The following MKX variants were observed in gnomAD, a reference collection of about 807,000 sequenced individuals.
MKX encodes the protein mohawk homeobox, also known as homeobox protein Mohawk.
Under a neutral mutation model 36.0 loss-of-function variants are expected in MKX, and 13 were observed. That is an observed-to-expected ratio of 0.36 (90% CI 0.24 to 0.57). The LOEUF is 0.57. Ranked by LOEUF, MKX falls within the 20% of genes least tolerant of loss-of-function variation. The probability of loss-of-function intolerance (pLI) is 0.79; values close to 1 mark genes in which losing one functional copy is unlikely to be tolerated. For synonymous variants in MKX, 176 were observed against 178.3 expected (o/e 0.99, Z 0.10); for missense variants, 458 against 456.4 (o/e 1.00, Z -0.03).
intron 5 of MKX, among the ~76,000 whole-genome samples, chr10:27,705,392 T>C (rs888471439): frequency 3.3e-5 from 5 of 152,228 alleles, no homozygotes; most frequent in African/African-American, 9.6e-5. Context: ...TCTTACTCTG[T>C]CACCCAAGCT....
chr10:27,687,009 CTT>C (rs773711831), intron 5 of MKX, among the ~76,000 whole-genome samples: 1 of 62,754 alleles, frequency 1.6e-5, no homozygotes, highest in Admixed American at 1.5e-4. Context: ...ACACCTCTCT[CTT>C]TTTTTTTTTT....
intron 5 of MKX, among the ~76,000 whole-genome samples, chr10:27,706,122 A>C (rs541514948): frequency 5.3e-5 from 8 of 152,280 alleles, no homozygotes; most frequent in African/African-American, 1.7e-4. Context: ...CAAGTGGAAC[A>C]ATACCATATT....
intron 5 of MKX, among the ~76,000 whole-genome samples, chr10:27,691,539 A>AT (rs34812478): frequency 4.0e-5 from 6 of 151,816 alleles, no homozygotes; most frequent in Non-Finnish European, 5.9e-5. Context: ...ATGAACCAAG[A>AT]TTTTTTTTTG....
chr10:27,734,131 A>T (rs892486353), intron 5 of MKX, among the ~76,000 whole-genome samples: 2 of 151,972 alleles, frequency 1.3e-5, no homozygotes, highest in African/African-American at 2.4e-5. Flanking sequence ...TAAAATTATT[A>T]TAAAGAATGA....
intron 5 of MKX, among the ~76,000 whole-genome samples, chr10:27,701,197 G>A (rs921695451): frequency 3.3e-5 from 5 of 152,020 alleles, no homozygotes; most frequent in Non-Finnish European, 5.9e-5. Context: ...GTTAACGTAA[G>A]TGATGACACT....
rs146526888 is a variant in MKX, at chr10:27,718,389, AATTAC to A, written c.838+16062_838+16066del. Among the ~76,000 whole-genome samples the A allele has an allele frequency of 8.0e-3, 1,216 of 152,328 alleles. 21 individuals are homozygous for A. The highest frequency in any genetic ancestry group is 0.028 in the African/African-American group (1,161 of 41,568). ...TTTATTTTGATGTATAATTTTAGTC[AATTAC>A]ATTTGTAGCGCTAGCGAAAATTATT... On this transcript the variant is annotated intron_variant, in intron 5 of 6. Transcript: ENST00000419761.
chr10:27,711,719 G>A lies in MKX; in HGVS notation c.838+22737C>T, dbSNP rs554942401. Among the ~76,000 whole-genome samples the A allele has an allele frequency of 3.4e-5, 5 of 148,642 alleles. No homozygotes were observed. The South Asian group carries it at 6.4e-4, about 19-fold the overall frequency. ...CTCCCCAGTAGCCGAAACTACAGGC[G>A]CCCACCGCCGTGCTCAGCTAATTTT... On this transcript the variant is annotated intron_variant, in intron 5 of 6. Coordinates refer to ENST00000419761, the MANE Select transcript of MKX (RefSeq NM_173576.3).
At chr10:27,701,117 C>T (rs1247202830) in intron 5 of MKX, among the ~76,000 whole-genome samples, 1 of 152,100 alleles carries the variant, frequency 6.6e-6, no homozygotes, top group Non-Finnish European at 1.5e-5. Flanking sequence ...AATGGATTCA[C>T]TTAATTGTTT....
At position 27,683,082 on chromosome 10, in the gene MKX, C is replaced by T. The variant is rs550066294; in HGVS notation, c.839-7528G>A. On this transcript the variant is annotated intron_variant, in intron 5 of 6. Transcript: ENST00000419761. ...CGCTCCTGGGAGAATCTAATGCCAC[C>T]GCTGATCTGACAGGAGGTGGAGCTC... 5.3e-5 allele frequency among the ~76,000 whole-genome samples: 8 copies of T among 152,276 alleles called. No individual in the cohort carries two copies. The South Asian group carries it at 6.2e-4, about 12-fold the overall frequency.
At chr10:27,721,911 G>A (rs978587933) in intron 5 of MKX, among the ~76,000 whole-genome samples, 2 of 152,078 alleles carry the variant, frequency 1.3e-5, no homozygotes, top group Non-Finnish European at 2.9e-5. Flanking sequence ...AAATCAATAA[G>A]GAAAGGTAGA....
chr10:27,733,441 C>G (rs2132638708), intron 5 of MKX, among the ~76,000 whole-genome samples: 1 of 152,248 alleles, frequency 6.6e-6, no homozygotes, highest in Non-Finnish European at 1.5e-5. Context: ...CATAACTACT[C>G]TATACATGAT....
chr10:27,739,159 A>G (rs1274273406), intron 3 of MKX, among the ~76,000 whole-genome samples: 1 of 151,970 alleles, frequency 6.6e-6, no homozygotes, highest in Non-Finnish European at 1.5e-5. Context: ...AATAATACAA[A>G]CCCCAATCAC....
chr10:27,690,085 C>T (rs750048008), intron 5 of MKX, among the ~76,000 whole-genome samples: 3 of 152,126 alleles, frequency 2.0e-5, no homozygotes, highest in Non-Finnish European at 4.4e-5. Context: ...TTAAACCTAA[C>T]AAGTCAGCCG....
chr10:27,704,698 G>A (rs1177199583), intron 5 of MKX, among the ~76,000 whole-genome samples: 1 of 152,082 alleles, frequency 6.6e-6, no homozygotes, highest in Non-Finnish European at 1.5e-5. Context: ...TACCTCAAAC[G>A]AAGATATTCC....
chr10:27,726,885 A>C (rs1377936982), intron 5 of MKX, among the ~76,000 whole-genome samples: 1 of 152,176 alleles, frequency 6.6e-6, no homozygotes, highest in Non-Finnish European at 1.5e-5. Context: ...AATCATCAAA[A>C]CACGAATTCA....
chr10:27,713,194 A>G (rs1180686531), intron 5 of MKX, among the ~76,000 whole-genome samples: 1 of 152,196 alleles, frequency 6.6e-6, no homozygotes, highest in Non-Finnish European at 1.5e-5. Flanking sequence ...GGGCATCTCT[A>G]GAAATCTTCA....
At chr10:27,743,569 A>G in intron 1 of MKX, 72 bp from the exon 2 acceptor site, 1 of 842,252 alleles carries the variant, frequency 1.2e-6, no homozygotes, top group Non-Finnish European at 1.7e-6. Flanking sequence ...CAGGGCCTTG[A>G]ACTTGGCCGG....
chr10:27,717,177 G>A (rs937136236), intron 5 of MKX, among the ~76,000 whole-genome samples: 1 of 152,062 alleles, frequency 6.6e-6, no homozygotes, highest in African/African-American at 2.4e-5. Flanking sequence ...CTTGTACGTG[G>A]GTTCTCTCTT....
intron 5 of MKX, among the ~76,000 whole-genome samples, chr10:27,718,215 A>G (rs1165522823): frequency 3.3e-5 from 5 of 152,216 alleles, no homozygotes; most frequent in Admixed American, 2.6e-4. Context: ...AAGAAGAAGA[A>G]GAAGAAAAAG....
Sources: gnomAD v4.1 joint callset for allele counts (sites outside exome capture counted in the v4.1 genomes callset) on GRCh38, gnomAD v4.1.1 for gene constraint, MANE v1.5 for transcripts, NCBI Gene and HGNC (gene_info 2026-07-23, HGNC 2026-07-21) for gene names.